Variants in CYRIB observed in about 807,000 individuals in gnomAD.
The protein encoded by CYRIB is CYFIP-related Rac1 interactor B.
In CYRIB, 8 loss-of-function variants were observed where a neutral mutation model predicts 44.2. The ratio of observed to expected loss-of-function variants is 0.18; its 90% CI spans 0.11 to 0.33. The LOEUF (loss-of-function observed/expected upper bound fraction) is 0.33. CYRIB is among the 10% of genes least tolerant of loss of function. The pLI, the probability that CYRIB is intolerant of heterozygous loss-of-function variation, is 1.00. For synonymous variants in CYRIB, 131 were observed against 127.2 expected, an observed-to-expected ratio of 1.03 and a Z score of -0.20; for missense variants, 185 against 382.8, an observed-to-expected ratio of 0.48 and a Z score of 4.31.
At chr8:129,973,612 C>CT (rs1331259609) in intron 1 of CYRIB, among the ~76,000 whole-genome samples, 3 of 152,230 alleles carry the variant, frequency 2.0e-5, no homozygotes, top group African/African-American at 7.2e-5. Context: ...GCTCCTTCCT[C>CT]TTTCGTCTCC....
intron 2 of CYRIB, among the ~76,000 whole-genome samples, chr8:129,962,268 A>G (rs940098176): frequency 2.0e-5 from 3 of 151,828 alleles, no homozygotes; most frequent in Non-Finnish European, 4.4e-5. Context: ...AAGAAAGAAC[A>G]AAAGAAAGAA....
intron 2 of CYRIB, among the ~76,000 whole-genome samples, chr8:129,885,871 A>C (rs1386396704): frequency 6.6e-6 from 1 of 152,048 alleles, no homozygotes; most frequent in Non-Finnish European, 1.5e-5. Context: ...AAACCACAAA[A>C]ACCCAACAAC....
chr8:129,896,737 T>G (rs534875722), intron 2 of CYRIB: 1 of 152,286 alleles, frequency 6.6e-6, no homozygotes, highest in African/African-American at 2.4e-5. Flanking sequence ...AGCAAGGAAC[T>G]TAAGGACCTA....
At chr8:129,954,172 A>G (rs1387406523) in intron 2 of CYRIB, among the ~76,000 whole-genome samples, 2 of 152,150 alleles carry the variant, frequency 1.3e-5, no homozygotes, top group African/African-American at 4.8e-5. Context: ...CTCAACCCAC[A>G]GACTTGGAGA....
chr8:129,923,985 T>C (rs1031632158), intron 1 of CYRIB, among the ~76,000 whole-genome samples: 2 of 150,468 alleles, frequency 1.3e-5, no homozygotes, highest in South Asian at 4.3e-4. Flanking sequence ...CAAACACTGG[T>C]TTAGGCCAGC....
chr8:129,931,518 A>G (rs2091345681), intron 1 of CYRIB, among the ~76,000 whole-genome samples: 2 of 152,214 alleles, frequency 1.3e-5, no homozygotes, highest in Admixed American at 6.5e-5. Context: ...CTTTGAGAAA[A>G]TTAATCTCAA....
intron 8 of CYRIB, 197 bp downstream of exon 10, chr8:129,851,965 C>T (rs2043487424): frequency 2.6e-6 from 1 of 391,892 alleles, no homozygotes; most frequent in East Asian, 3.7e-5. Context: ...CTGAGGTTTC[C>T]ACCATCCCTC....
intron 2 of CYRIB, among the ~76,000 whole-genome samples, chr8:129,898,887 G>C (rs75090768): frequency 6.7e-6 from 1 of 149,892 alleles, no homozygotes; most frequent in Non-Finnish European, 1.5e-5. Flanking sequence ...TTTTTTTTTG[G>C]AGTCTCACTC....
chr8:129,911,268 T>G (rs1407845611), intron 1 of CYRIB, among the ~76,000 whole-genome samples: 2 of 152,082 alleles, frequency 1.3e-5, no homozygotes, highest in African/African-American at 2.4e-5. Flanking sequence ...TGATGAGCAA[T>G]CAGAGGCTTT....
intron 2 of CYRIB, among the ~76,000 whole-genome samples, chr8:129,957,300 G>T (rs1293376084): frequency 6.6e-6 from 1 of 152,180 alleles, no homozygotes; most frequent in Non-Finnish European, 1.5e-5. Context: ...GACAGACTTA[G>T]GGGAAATCTG....
intron 1 of CYRIB, among the ~76,000 whole-genome samples, chr8:129,983,359 G>A (rs1418363390): frequency 1.3e-5 from 2 of 152,120 alleles, no homozygotes; most frequent in African/African-American, 4.8e-5. Flanking sequence ...GCAGGGGAAT[G>A]GCGAGAACCC....
chr8:129,858,609 G>A (rs546241540), intron 5 of CYRIB, among the ~76,000 whole-genome samples: 21 of 152,224 alleles, frequency 1.4e-4, no homozygotes, highest in Non-Finnish European at 2.9e-4. Context: ...GGATTCTAAA[G>A]GATTTAAGAC....
chr8:129,901,974 C>T (rs2072358700), intron 2 of CYRIB, among the ~76,000 whole-genome samples: 1 of 152,156 alleles, frequency 6.6e-6, no homozygotes, highest in Non-Finnish European at 1.5e-5. Context: ...TGTAACGTTT[C>T]CTTCTTAATC....
intron 1 of CYRIB, among the ~76,000 whole-genome samples, chr8:129,921,415 GAA>G (rs781712741): frequency 6.6e-6 from 1 of 152,156 alleles, no homozygotes; most frequent in African/African-American, 2.4e-5. Context: ...GCTACTCAGT[GAA>G]AAGTTTTGGG....
At chr8:129,911,276 T>G (rs2077862197) in intron 1 of CYRIB, among the ~76,000 whole-genome samples, 1 of 152,156 alleles carries the variant, frequency 6.6e-6, no homozygotes. Context: ...AATCAGAGGC[T>G]TTAAAAGGTT....
intron 1 of CYRIB, among the ~76,000 whole-genome samples, chr8:129,926,718 A>G (rs1236860131): frequency 6.6e-6 from 1 of 152,202 alleles, no homozygotes. Context: ...AAATTCTGAA[A>G]TGCAAAAGAA....
At chr8:129,977,687 A>G (rs544151481) in intron 1 of CYRIB, among the ~76,000 whole-genome samples, 60 of 152,018 alleles carry the variant, frequency 3.9e-4, no homozygotes, top group Non-Finnish European at 4.0e-4. Flanking sequence ...GCCCGCCACC[A>G]CGCCCGGCTA....
At chr8:129,939,204 C>A (rs1455613059) in intron 1 of CYRIB, among the ~76,000 whole-genome samples, 2 of 150,962 alleles carry the variant, frequency 1.3e-5, no homozygotes, top group African/African-American at 4.9e-5. Flanking sequence ...GGAGAAAAAG[C>A]GGCCGCGAAG....
intron 2 of CYRIB, among the ~76,000 whole-genome samples, chr8:129,892,277 C>A (rs1328304855): frequency 6.6e-6 from 1 of 152,104 alleles, no homozygotes; most frequent in Non-Finnish European, 1.5e-5. Context: ...CTCAAAATGA[C>A]CTATTTTATA....
Sources: allele counts gnomAD v4.1 joint callset (sites outside exome capture counted in the v4.1 genomes callset), GRCh38; gene constraint gnomAD v4.1.1; transcripts MANE v1.5; gene names NCBI Gene and HGNC (gene_info 2026-07-23, HGNC 2026-07-21).